RPA3: variants seen among roughly 807,000 people sequenced by gnomAD.
RPA3 encodes replication protein A3.
Under a neutral mutation model 13.7 loss-of-function variants are expected in RPA3, and 24 were observed. That is an observed-to-expected ratio of 1.75 (90% CI 1.27 to 2.46). The LOEUF (loss-of-function observed/expected upper bound fraction) is 2.46, where lower values mean the gene tolerates loss of function less well. Among genes scored for constraint, RPA3 ranks in the 30% most tolerant of loss-of-function variants. RPA3 has a pLI of 0.00. For missense variants in RPA3, 183 were observed against 151.0 expected (o/e 1.21, Z -1.11); for synonymous variants, 59 against 51.2 (o/e 1.15, Z -0.65).
At chr7:7,651,290 C>G (rs1456364896) in intron 4 of RPA3, among the ~76,000 whole-genome samples, 2 of 152,182 alleles carry the variant, frequency 1.3e-5, no homozygotes, top group Non-Finnish European at 2.9e-5. Flanking sequence ...CCCTGAACCT[C>G]CTTGCAGGAC....
At chr7:7,638,004 A>G (rs752882389) in intron 6 of RPA3, 32 bp from the exon 7 acceptor site, 7 of 1,539,610 alleles carry the variant, frequency 4.5e-6, no homozygotes, top group Non-Finnish European at 6.3e-6. Context: ...CGATTTGGTG[A>G]TATCACATTT....
At chr7:7,705,549 C>T (rs1379523657) in intron 2 of RPA3, among the ~76,000 whole-genome samples, 2 of 152,132 alleles carry the variant, frequency 1.3e-5, no homozygotes, top group Admixed American at 1.3e-4. Flanking sequence ...GCTCTAAGTA[C>T]TATGCTTGTG....
At chr7:7,637,565 CTAAAAA>C (rs1340052577) in intron 7 of RPA3, among the ~76,000 whole-genome samples, 5 of 151,598 alleles carry the variant, frequency 3.3e-5, no homozygotes, top group African/African-American at 1.2e-4. Flanking sequence ...ATATATCAAA[CTAAAAA>C]TAAAACTGTT....
chr7:7,644,111 G>GT (rs778489904), intron 4 of RPA3, among the ~76,000 whole-genome samples: 18 of 152,104 alleles, frequency 1.2e-4, no homozygotes, highest in Non-Finnish European at 7.4e-5. Context: ...AACTCTTGGA[G>GT]TTTTTTCCCC....
chr7:7,652,929 A>C (rs917095571), intron 4 of RPA3, among the ~76,000 whole-genome samples: 1 of 152,244 alleles, frequency 6.6e-6, no homozygotes, highest in Non-Finnish European at 1.5e-5. Flanking sequence ...AAAATGAGCG[A>C]GCAAATAGAA....
At chr7:7,711,966 G>C (rs1472962911) in intron 2 of RPA3, among the ~76,000 whole-genome samples, 1 of 151,504 alleles carries the variant, frequency 6.6e-6, no homozygotes, top group Non-Finnish European at 1.5e-5. Flanking sequence ...ATTTTTTTTT[G>C]TAGGGATAAC....
chr7:7,661,779 G>T (rs1034371426), intron 4 of RPA3, among the ~76,000 whole-genome samples: 1 of 152,152 alleles, frequency 6.6e-6, no homozygotes, highest in Non-Finnish European at 1.5e-5. Context: ...CAGGAGACAT[G>T]GGTGTCAGGG....
chr7:7,671,541 G>T (rs1432748118), intron 4 of RPA3, among the ~76,000 whole-genome samples: 2 of 152,154 alleles, frequency 1.3e-5, no homozygotes, highest in South Asian at 2.1e-4. Flanking sequence ...ACTGTTCGAG[G>T]TTGAAAAGTA....
intron 2 of RPA3, among the ~76,000 whole-genome samples, chr7:7,710,358 T>C (rs1780723903): frequency 6.6e-6 from 1 of 151,538 alleles, no homozygotes. Flanking sequence ...AACTCAGCAG[T>C]AAAAAACAAA....
At chr7:7,666,295 C>T (rs369577771) in intron 4 of RPA3, among the ~76,000 whole-genome samples, 10 of 152,118 alleles carry the variant, frequency 6.6e-5, no homozygotes, top group African/African-American at 2.2e-4. Context: ...GCTCGACATC[C>T]TGGTCTCAAG....
At position 7,714,891 on chromosome 7, in the gene RPA3, C is replaced by A. The variant is rs1320140633; in HGVS notation, c.-1028+284G>T. On this transcript the variant is annotated intron_variant, in intron 2 of 7. Coordinates refer to ENST00000223129, the MANE Select transcript of RPA3 (RefSeq NM_002947.5). ...TTTTTTTAGTTGATAGTAACACTTG[C>A]AGACCTGTTGTACCATGTGGTTGAA... 4.2e-5 allele frequency among the ~76,000 whole-genome samples: 6 copies of A among 141,290 alleles called. No homozygotes were observed. The Admixed American group carries it at 4.4e-4, about 10-fold the overall frequency. The allele number at this position is 141,290 out of a possible 152,430, so 92.7% of individuals were successfully genotyped here.
intron 4 of RPA3, chr7:7,641,813 A>G (rs759505645): frequency 2.6e-5 from 4 of 152,226 alleles, no homozygotes; most frequent in Non-Finnish European, 5.9e-5. Context: ...AAATTCCCTT[A>G]AGCAAAAAAG....
At chr7:7,698,610 C>T (rs1160862478) in intron 2 of RPA3, among the ~76,000 whole-genome samples, 2 of 151,880 alleles carry the variant, frequency 1.3e-5, no homozygotes, top group Non-Finnish European at 2.9e-5. Flanking sequence ...CAGTTGATTC[C>T]ACAGTTTTGA....
chr7:7,704,722 G>A (rs1419378282), intron 2 of RPA3, among the ~76,000 whole-genome samples: 2 of 120,560 alleles, frequency 1.7e-5, no homozygotes, highest in African/African-American at 3.2e-5. Flanking sequence ...AGCTGAGATC[G>A]CACCACTGTA....
chr7:7,640,170 A>G, intron 5 of RPA3, 150 bp downstream of exon 5: 1 of 802,044 alleles, frequency 1.2e-6, no homozygotes, highest in Non-Finnish European at 2.1e-6. Flanking sequence ...TACAACGGCT[A>G]AAGAATTTCC....
chr7:7,672,246 A>G (rs972068117), intron 4 of RPA3, among the ~76,000 whole-genome samples: 3 of 152,038 alleles, frequency 2.0e-5, no homozygotes, highest in African/African-American at 2.4e-5. Flanking sequence ...TCAGAATCCT[A>G]TGTGTCCTTG....
chr7:7,685,314 C>CTTT (rs34968724), intron 4 of RPA3, among the ~76,000 whole-genome samples: 3 of 143,738 alleles, frequency 2.1e-5, no homozygotes, highest in Non-Finnish European at 1.5e-5. Context: ...ACACATTGAT[C>CTTT]TTTTTTTTTT....
chr7:7,703,058 A>G (rs1482137213), intron 2 of RPA3, among the ~76,000 whole-genome samples: 1 of 152,212 alleles, frequency 6.6e-6, no homozygotes, highest in Non-Finnish European at 1.5e-5. Flanking sequence ...TTAGTACTAC[A>G]CTGAGTTTAC....
chr7:7,707,421 A>G (rs1469540102), intron 2 of RPA3, among the ~76,000 whole-genome samples: 2 of 152,202 alleles, frequency 1.3e-5, no homozygotes, highest in African/African-American at 4.8e-5. Context: ...TAGCACCATC[A>G]GCAATGTTAC....
Sources: gnomAD v4.1 joint callset for allele counts (sites outside exome capture counted in the v4.1 genomes callset) on GRCh38, gnomAD v4.1.1 for gene constraint, MANE v1.5 for transcripts, NCBI Gene and HGNC (gene_info 2026-07-23, HGNC 2026-07-21) for gene names.